Variants in UBE2O observed in about 807,000 individuals in gnomAD.
UBE2O encodes ubiquitin conjugating enzyme E2 O.
In UBE2O, 15 loss-of-function variants were observed where a neutral mutation model predicts 125.8. The observed-to-expected ratio is 0.12, with a 90% CI of 0.08 to 0.18. UBE2O has a LOEUF of 0.18. UBE2O is among the 10% of genes least tolerant of loss of function. The pLI, the probability that UBE2O is intolerant of heterozygous loss-of-function variation, is 1.00. For synonymous variants in UBE2O, 708 were observed against 703.2 expected (o/e 1.01, Z -0.11); for missense variants, 1,280 against 1,723.6 (o/e 0.74, Z 4.56).
rs552989235 is a variant in UBE2O, at chr17:76,416,615, C to T, written c.418-11043G>A. ...CCCTGAGCCCACACCAACCTCCCCG[C>T]GCTTCTCAAACACCTGCAGTTACTA... On this transcript the variant is annotated intron_variant, in intron 1 of 17. Transcript: ENST00000319380. 9.2e-5 allele frequency among the ~76,000 whole-genome samples: 14 copies of T among 152,318 alleles called. No homozygotes were observed. In the South Asian group the frequency reaches 1.2e-3, roughly 14 times the overall value.
intron 15 of UBE2O, among the ~76,000 whole-genome samples, chr17:76,392,644 T>C (rs1030460187): frequency 6.6e-6 from 1 of 151,668 alleles, no homozygotes; most frequent in African/African-American, 2.4e-5. Context: ...TTTTTCCTCA[T>C]AAATCATTAC....
rs928150055 is a variant in UBE2O, at chr17:76,404,882, T to C, written c.588+324A>G. 3.9e-5 allele frequency among the ~76,000 whole-genome samples: 6 copies of C among 152,040 alleles called. No homozygotes were observed. Among genetic ancestry groups the C allele is most frequent in the Non-Finnish European group, 8.8e-5 (6 of 67,998 alleles). ...CAGGAATTTACAACTTTTGGTAAGT[T>C]TGAAATCATTAAAAAAATAAACTAT... is the stretch of plus-strand genomic sequence containing the variant. On this transcript the variant is annotated intron_variant, in intron 3 of 17. Transcript: ENST00000319380. The surrounding 1 kb of genome is among the most constrained non-coding windows in gnomAD (Gnocchi z 4.3).
In UBE2O at chr17:76,397,535, A is replaced by ACT. The variant is rs1244359176; in HGVS notation, c.2115+263_2115+264insAG. On this transcript the variant is annotated intron_variant, in intron 13 of 17. Coordinates refer to ENST00000319380, the MANE Select transcript of UBE2O (RefSeq NM_022066.4). ...GCATTCTTCGTAGCATAGTGAGCTG[A>ACT]CAATCCAGGAAAATCCTGGAGGTTT... Among the ~76,000 whole-genome samples, 4 of 152,348 alleles carry ACT rather than the reference A, an allele frequency of 2.6e-5. No homozygotes were observed. In the East Asian group the frequency reaches 7.7e-4, roughly 29 times the overall value.
In UBE2O at chr17:76,390,619, G is replaced by A. The variant is rs2072090595; in HGVS notation, c.*324C>T. The A allele has an allele frequency of 7.6e-6, 2 of 263,758 alleles. No individual in the cohort carries two copies. Among genetic ancestry groups the A allele is most frequent in the African/African-American group, 4.5e-5 (2 of 44,846 alleles). 16.3% of individuals were successfully genotyped at this position (263,758 alleles called of 1,614,324 possible). A position where few individuals can be genotyped will look rare whatever the true frequency, so the allele number is the denominator to read the frequency against. ...CCCAGAGAGCCCCGCGGCAGGCCCT[G>A]GAACACCCGCCTCTGACCTGAGAAG... On this transcript the variant is annotated 3_prime_UTR_variant, in exon 18 of 18. Transcript: ENST00000319380.
intron 1 of UBE2O, among the ~76,000 whole-genome samples, chr17:76,406,003 T>C (rs1028514273): frequency 1.3e-5 from 2 of 151,952 alleles, no homozygotes; most frequent in African/African-American, 4.8e-5. Context: ...TGAGGGAGAG[T>C]GGGCTGGGGG....
rs762255665 is a variant in UBE2O, at chr17:76,391,202, C to T, written c.3620G>A (p.Gly1207Asp). The T allele has an allele frequency of 1.9e-6, 3 of 1,613,140 alleles. No individual in the cohort carries two copies. Among genetic ancestry groups the T allele is most frequent in the Non-Finnish European group, 2.5e-6 (3 of 1,179,388 alleles). Residue 1207 changes from glycine (G) to aspartate (D), a missense_variant, in exon 18 of 18, where the codon GGC (glycine) becomes GAC (aspartate). Around this residue, in one of 10 missense-constraint regions of UBE2O, gnomAD observed 233 missense variants for 279.0 expected, o/e 0.84. Transcript: ENST00000319380. This position sits in a 1 kb window ranked among gnomAD's most constrained non-coding sequence, Gnocchi z 8.4. Reference sequence around the variant, plus strand: ...GTGGTCCCTGCTAGCTGAGGCCAGGCCCTGGGCACCGCCCTCTGAGTCTGA... The same window carrying T: ...GTGGTCCCTGCTAGCTGAGGCCAGGTCCTGGGCACCGCCCTCTGAGTCTGA... ...QGSDSEGGAQ[G>D]LASASRDHTD...
intron 1 of UBE2O, among the ~76,000 whole-genome samples, chr17:76,429,247 A>G (rs1161293119): frequency 6.6e-6 from 1 of 151,952 alleles, no homozygotes; most frequent in Non-Finnish European, 1.5e-5. Context: ...AATTATTTCA[A>G]AATAAAAAGT....
chr17:76,416,054 CA>C (rs1799485920), intron 1 of UBE2O, among the ~76,000 whole-genome samples: 1 of 151,258 alleles, frequency 6.6e-6, no homozygotes, highest in South Asian at 2.1e-4. Context: ...TACATATGTA[CA>C]TACACGTATA....
Position 76,398,408 on chromosome 17 carries a change from G to T in UBE2O, c.1897-25C>A, listed in dbSNP as rs1334555840. On this transcript the variant is annotated intron_variant, in intron 11 of 17. Transcript: ENST00000319380. This position sits in a 1 kb window ranked among gnomAD's most constrained non-coding sequence, Gnocchi z 5.4. The stretch of plus-strand genomic sequence containing the variant: ...GCTGTGGCACAGGACAGGTTGTCAT[G>T]AGCTAGGGGTCCTACACCCAACCCC... The T allele has an allele frequency of 6.2e-7, 1 of 1,614,080 alleles. No homozygotes were observed. Among genetic ancestry groups the T allele is most frequent in the Admixed American group, 1.7e-5 (1 of 60,006 alleles).
intron 1 of UBE2O, among the ~76,000 whole-genome samples, chr17:76,417,259 G>GGCCA (rs1222124732): frequency 6.6e-6 from 1 of 152,252 alleles, no homozygotes; most frequent in East Asian, 1.9e-4. Flanking sequence ...CATCAGAGCA[G>GGCCA]GCCAGCCGAA....
rs762165530 is a variant in UBE2O at position 76,391,735 on chromosome 17, CCCG to C, written c.3208+18_3208+20del. ...CCACCGGCCCTCCCTTGTCCGCACC[CCCG>C]CTTCAGCCCAACTGTACCTTGGATG... On this transcript the variant is annotated intron_variant, in intron 17 of 17. Coordinates refer to ENST00000319380, the MANE Select transcript of UBE2O (RefSeq NM_022066.4). This position sits in a 1 kb window ranked among gnomAD's most constrained non-coding sequence, Gnocchi z 8.4. 6.8e-5 allele frequency: 110 copies of C among 1,613,652 alleles called. No individual in the cohort carries two copies. The highest frequency in any genetic ancestry group is 9.2e-5 in the Non-Finnish European group (108 of 1,179,876).
At chr17:76,426,911 A>G (rs1415771008) in intron 1 of UBE2O, among the ~76,000 whole-genome samples, 1 of 149,936 alleles carries the variant, frequency 6.7e-6, no homozygotes, top group African/African-American at 2.5e-5. Flanking sequence ...TAGTAAATAC[A>G]ACTTTTTTTT....
chr17:76,398,193 G>A lies in UBE2O; in HGVS notation c.2025+62C>T. 6.2e-7 allele frequency: 1 copy of A among 1,608,302 alleles called. No homozygotes were observed. On this transcript the variant is annotated intron_variant, in intron 12 of 17. Transcript: ENST00000319380. This position sits in a 1 kb window ranked among gnomAD's most constrained non-coding sequence, Gnocchi z 5.4. ...CTAGAGCCACCTGGTGGCAGCATCA[G>A]GGACTGCAGCTGGTGCACAGGGCAG...
rs1368018648 is a variant in UBE2O, at chr17:76,400,493, T to A, written c.952A>T (p.Thr318Ser). The A allele has an allele frequency of 6.2e-7, 1 of 1,613,446 alleles. No individual in the cohort carries two copies. Among genetic ancestry groups the A allele is most frequent in the Admixed American group, 1.7e-5 (1 of 59,936 alleles). Residue 318 changes from threonine to serine, a missense_variant, in exon 7 of 18, where the codon ACG (threonine) becomes TCG (serine). By Grantham distance (58) the Thr-to-Ser change is moderately conservative. Coordinates refer to ENST00000319380, the MANE Select transcript of UBE2O (RefSeq NM_022066.4). The surrounding 1 kb of genome is among the most constrained non-coding windows in gnomAD (Gnocchi z 4.3). ...GAGGGTGGGGGGCTGACGCTGTCCG[T>A]GCCCCCTGGACAGAAACTCTTGGTA... Reference protein sequence around the residue: ...WITKSFCPGGTDSVSPPPSVI... With the variant: ...WITKSFCPGGSDSVSPPPSVI...
Position 76,391,849 on chromosome 17 carries a change from A to G in UBE2O, c.3151-36T>C. The G allele has an allele frequency of 1.2e-6, 2 of 1,613,964 alleles. No homozygotes were observed. The highest frequency in any genetic ancestry group is 1.7e-4 in the Middle Eastern group (1 of 6,060). ...CAGGGCACCATCAATTCTGTTCCCC[A>G]GGCCCCTATCCACCAGTGGCTCTTC... On this transcript the variant is annotated intron_variant, in intron 16 of 17. Transcript: ENST00000319380. This position sits in a 1 kb window ranked among gnomAD's most constrained non-coding sequence, Gnocchi z 8.4.
rs2073268947 is a variant in UBE2O at position 76,452,538 on chromosome 17, C to G, written c.417+187G>C. On this transcript the variant is annotated intron_variant, in intron 1 of 17. Coordinates refer to ENST00000319380, the MANE Select transcript of UBE2O (RefSeq NM_022066.4). This position sits in a 1 kb window ranked among gnomAD's most constrained non-coding sequence, Gnocchi z 4.4. ...CCGGTCCCGGGCCAGCAGTGCCTGGCTGGCGTGTGCGCCCAGAGCTGCTGC... is the reference window on the plus strand; with the variant it reads ...CCGGTCCCGGGCCAGCAGTGCCTGGGTGGCGTGTGCGCCCAGAGCTGCTGC... 6.6e-6 allele frequency among the ~76,000 whole-genome samples: 1 copy of G among 152,198 alleles called. No individual in the cohort carries two copies. The highest frequency in any genetic ancestry group is 2.4e-5 in the African/African-American group (1 of 41,466).
chr17:76,400,461 G>T lies in UBE2O; in HGVS notation c.984C>A (p.Ile328=). ...CTTACCTGCCTAGGTTTTCCTGGGT[G>T]ATGACAGAGGGTGGGGGGCTGACGC... The part of the protein sequence containing the change: ...TDSVSPPPSV[I]TQENLGRVKR... Residue 328 remains isoleucine, a synonymous_variant, in exon 7 of 18, where the codon ATC becomes ATA. Coordinates refer to ENST00000319380, the MANE Select transcript of UBE2O (RefSeq NM_022066.4). The surrounding 1 kb of genome is among the most constrained non-coding windows in gnomAD (Gnocchi z 4.3). 6.2e-7 allele frequency: 1 copy of T among 1,612,360 alleles called. No individual in the cohort carries two copies. The highest frequency in any genetic ancestry group is 1.1e-5 in the South Asian group (1 of 90,868).
intron 1 of UBE2O, among the ~76,000 whole-genome samples, chr17:76,447,460 T>C (rs191033162): frequency 6.6e-6 from 1 of 152,290 alleles, no homozygotes. Flanking sequence ...ACTGCTCTTA[T>C]TACCTTAAAA....
chr17:76,391,528 G>A lies in UBE2O; in HGVS notation c.3294C>T (p.Arg1098=), dbSNP rs760169223. The A allele has an allele frequency of 3.1e-6, 5 of 1,614,020 alleles. No homozygotes were observed. Among genetic ancestry groups the A allele is most frequent in the Non-Finnish European group, 4.2e-6 (5 of 1,180,058 alleles). ...GGATCAGCGCCATCTCATTGTAACA[G>A]CGACTGTTTTCATAGCCTTCCTGCA... ...RGLQEGYENS[R]CYNEMALIRV... is the part of the protein sequence containing the mutation. The change falls in exon 18 of 18, where the codon CGC becomes CGT. Residue 1098 remains arginine, a synonymous_variant. Coordinates refer to ENST00000319380, the MANE Select transcript of UBE2O (RefSeq NM_022066.4). This position sits in a 1 kb window ranked among gnomAD's most constrained non-coding sequence, Gnocchi z 8.4.
Sources: gnomAD v4.1 joint callset for allele counts (sites outside exome capture counted in the v4.1 genomes callset) on GRCh38, gnomAD v4.1.1 for gene constraint, gnomAD v4.1.1 regional missense constraint, Gnocchi (gnomAD v3.1) non-coding constraint, MANE v1.5 for transcripts, NCBI Gene and HGNC (gene_info 2026-07-23, HGNC 2026-07-21) for gene names.